Variants in PRIMA1 observed in about 807,000 individuals in gnomAD.
The protein encoded by PRIMA1 is proline-rich membrane anchor 1.
PRIMA1 carries 7 observed loss-of-function variants against 17.5 expected under a neutral mutation model. That is an observed-to-expected ratio of 0.40 (90% CI 0.23 to 0.75). The LOEUF is 0.75. Among genes scored for constraint, PRIMA1 ranks in the 30% least tolerant of loss-of-function variants. The probability of loss-of-function intolerance (pLI) is 0.37; values close to 1 mark genes in which losing one functional copy is unlikely to be tolerated. For synonymous variants in PRIMA1, 97 were observed against 77.9 expected (o/e 1.25, Z -1.29); for missense variants, 200 against 201.8 (o/e 0.99, Z 0.05).
intron 3 of PRIMA1, among the ~76,000 whole-genome samples, chr14:93,764,020 C>T (rs757802424): frequency 1.1e-4 from 16 of 152,076 alleles, no homozygotes; most frequent in Non-Finnish European, 2.4e-4. Context: ...TCTGATCAGA[C>T]ACTGGCACCC....
chr14:93,724,836 A>G (rs541632261), intron 4 of PRIMA1, among the ~76,000 whole-genome samples: 1 of 152,336 alleles, frequency 6.6e-6, no homozygotes, highest in East Asian at 1.9e-4. Context: ...CATGGGAGAT[A>G]TGGCTTAAGG....
At chr14:93,747,110 G>A (rs1398443284) in intron 3 of PRIMA1, among the ~76,000 whole-genome samples, 1 of 152,162 alleles carries the variant, frequency 6.6e-6, no homozygotes, top group Non-Finnish European at 1.5e-5. Context: ...GAGAGGGTAG[G>A]CAGAGGGGAG....
At chr14:93,762,688 C>T (rs1019959720) in intron 3 of PRIMA1, among the ~76,000 whole-genome samples, 2 of 152,180 alleles carry the variant, frequency 1.3e-5, no homozygotes, top group African/African-American at 2.4e-5. Flanking sequence ...AGCAGCCAGA[C>T]TGTCCAATAG....
At chr14:93,729,956 G>A (rs541595080) in intron 4 of PRIMA1, among the ~76,000 whole-genome samples, 7 of 152,262 alleles carry the variant, frequency 4.6e-5, no homozygotes, top group Non-Finnish European at 8.8e-5. Flanking sequence ...AACTGGTGAA[G>A]GGGTGAGGCC....
intron 3 of PRIMA1, among the ~76,000 whole-genome samples, chr14:93,757,350 C>T (rs972104096): frequency 9.8e-5 from 15 of 152,362 alleles, no homozygotes; most frequent in African/African-American, 3.4e-4. Flanking sequence ...CCGTTCCCTT[C>T]GGAGGGATGG....
chr14:93,720,069 C>A lies in PRIMA1; in HGVS notation c.*1375G>T, dbSNP rs2141145609. The stretch of plus-strand genomic sequence containing the variant: ...AGGAGCACACTGGAGGTTTAGGAGG[C>A]AAACCAGGTCTTAGAGGGCTCGACA... On this transcript the variant is annotated 3_prime_UTR_variant, in exon 5 of 5. Coordinates refer to ENST00000393140, the MANE Select transcript of PRIMA1 (RefSeq NM_178013.4). 6.6e-6 allele frequency: 1 copy of A among 152,408 alleles called. No homozygotes were observed. Among genetic ancestry groups the A allele is most frequent in the Non-Finnish European group, 1.5e-5 (1 of 68,078 alleles). The allele number at this position is 152,408 out of a possible 1,614,324, so 9.4% of individuals were successfully genotyped here. A position where few individuals can be genotyped will look rare whatever the true frequency, so the allele number is the denominator to read the frequency against.
intron 4 of PRIMA1, among the ~76,000 whole-genome samples, chr14:93,723,142 C>T (rs979205723): frequency 6.6e-6 from 1 of 152,134 alleles, no homozygotes; most frequent in African/African-American, 2.4e-5. Flanking sequence ...GTCTAAGCCA[C>T]ATGCTCTCTG....
intron 3 of PRIMA1, among the ~76,000 whole-genome samples, chr14:93,758,786 C>A (rs1164675623): frequency 1.3e-5 from 2 of 152,048 alleles, no homozygotes; most frequent in African/African-American, 4.8e-5. Flanking sequence ...GTACCATGAG[C>A]AAAGCATTGT....
At chr14:93,773,146 C>T (rs577804508) in intron 3 of PRIMA1, among the ~76,000 whole-genome samples, 2 of 152,330 alleles carry the variant, frequency 1.3e-5, no homozygotes, top group South Asian at 2.1e-4. Context: ...AAGCCAGGCT[C>T]TGAGCCACTG....
At chr14:93,782,291 A>ATAC (rs1156595006) in intron 2 of PRIMA1, among the ~76,000 whole-genome samples, 33 of 149,102 alleles carry the variant, frequency 2.2e-4, no homozygotes, top group Non-Finnish European at 3.5e-4. Context: ...TAAATAAATA[A>ATAC]ATACATACAT....
chr14:93,722,392 G>C (rs111206790), intron 4 of PRIMA1, among the ~76,000 whole-genome samples: 3 of 146,742 alleles, frequency 2.0e-5, no homozygotes, highest in Admixed American at 1.4e-4. Context: ...GGTGATGGTG[G>C]TAGTGGTGAT....
chr14:93,735,798 T>C (rs1301732439), intron 4 of PRIMA1, among the ~76,000 whole-genome samples: 2 of 151,388 alleles, frequency 1.3e-5, no homozygotes, highest in Non-Finnish European at 2.9e-5. Context: ...TTCAAGAGAT[T>C]CTCCTGCCTC....
At chr14:93,757,558 G>A (rs1001295767) in intron 3 of PRIMA1, among the ~76,000 whole-genome samples, 2 of 152,244 alleles carry the variant, frequency 1.3e-5, no homozygotes, top group Non-Finnish European at 2.9e-5. Context: ...TCCGGCCTGG[G>A]GTGGGGGCTG....
intron 3 of PRIMA1, among the ~76,000 whole-genome samples, chr14:93,744,739 A>G (rs947019416): frequency 1.1e-4 from 17 of 152,258 alleles, no homozygotes; most frequent in African/African-American, 4.1e-4. Context: ...CCCCTGTTTC[A>G]TAAGTCTCCC....
In PRIMA1 at chr14:93,748,320, C is replaced by T. The variant is rs138720222; in HGVS notation, c.230-10950G>A. On this transcript the variant is annotated intron_variant, in intron 3 of 4. Coordinates refer to ENST00000393140, the MANE Select transcript of PRIMA1 (RefSeq NM_178013.4). ...AGATTGAACCCAGACAGTCTGGCCC[C>T]AGGGCCAACCTGTGACGGCTGCATA... Among the ~76,000 whole-genome samples, 952 of 152,196 alleles carry T rather than the reference C, an allele frequency of 6.3e-3. 5 individuals carry two copies. Among genetic ancestry groups the T allele is most frequent in the Admixed American group, 0.01 (156 of 15,300 alleles).
intron 3 of PRIMA1, among the ~76,000 whole-genome samples, chr14:93,748,371 T>A (rs1308528370): frequency 6.6e-6 from 1 of 152,090 alleles, no homozygotes; most frequent in Non-Finnish European, 1.5e-5. Context: ...AGTCCCCGCA[T>A]GTGACAAACG....
At chr14:93,722,548 T>C (rs1231799244) in intron 4 of PRIMA1, among the ~76,000 whole-genome samples, 2 of 150,814 alleles carry the variant, frequency 1.3e-5, no homozygotes, top group African/African-American at 4.9e-5. Context: ...ATACTCGTGA[T>C]GGAGGTGATG....
chr14:93,782,327 T>G (rs1885403976), intron 2 of PRIMA1, among the ~76,000 whole-genome samples: 1 of 137,274 alleles, frequency 7.3e-6, no homozygotes, highest in Non-Finnish European at 1.6e-5. Flanking sequence ...TAAATAAAAT[T>G]GATAGCTTTG....
chr14:93,726,850 C>CGT lies in PRIMA1; in HGVS notation c.360-5305_360-5304insAC. On this transcript the variant is annotated intron_variant, in intron 4 of 4. Coordinates refer to ENST00000393140, the MANE Select transcript of PRIMA1 (RefSeq NM_178013.4). This position sits in a 1 kb window ranked among gnomAD's most constrained non-coding sequence, Gnocchi z 4.2. ...ACACATACACACATGTCCCTACACA[C>CGT]ATATGCACACATACACATATGTGCA... Among the ~76,000 whole-genome samples the CGT allele has an allele frequency of 6.6e-6, 1 of 152,174 alleles. No individual in the cohort carries two copies. Among genetic ancestry groups the CGT allele is most frequent in the African/African-American group, 2.4e-5 (1 of 41,440 alleles).
Sources: gnomAD v4.1 joint callset for allele counts (sites outside exome capture counted in the v4.1 genomes callset) on GRCh38, gnomAD v4.1.1 for gene constraint, Gnocchi (gnomAD v3.1) non-coding constraint, MANE v1.5 for transcripts, NCBI Gene and HGNC (gene_info 2026-07-23, HGNC 2026-07-21) for gene names.